The following RHOBTB1 variants were observed in gnomAD, a reference collection of about 807,000 sequenced individuals.
RHOBTB1 encodes the protein rho-related BTB domain-containing protein 1.
In RHOBTB1, 40 loss-of-function variants were observed where a neutral mutation model predicts 71.6. The observed-to-expected ratio is 0.56, with a 90% confidence interval of 0.43 to 0.73. The LOEUF is 0.73. Ranked by LOEUF, RHOBTB1 falls within the 30% of genes least tolerant of loss-of-function variation. RHOBTB1 has a pLI of 0.00. For missense variants in RHOBTB1, 797 were observed against 894.0 expected, an observed-to-expected ratio of 0.89 and a Z score of 1.38; for synonymous variants, 319 against 334.9, an observed-to-expected ratio of 0.95 and a Z score of 0.52.
intron 2 of RHOBTB1, among the ~76,000 whole-genome samples, chr10:60,979,467 T>A (rs936478428): frequency 3.9e-5 from 6 of 152,146 alleles, no homozygotes; most frequent in Admixed American, 1.3e-4. Context: ...CTAAACAAAC[T>A]ATAATAAAGG....
At chr10:60,908,480 C>A (rs1589262998) in intron 4 of RHOBTB1, among the ~76,000 whole-genome samples, 1 of 151,990 alleles carries the variant, frequency 6.6e-6, no homozygotes, top group Non-Finnish European at 1.5e-5. Flanking sequence ...GGTTTGCAAA[C>A]CAAACAAGTT....
chr10:60,983,189 A>G (rs1259678323), intron 2 of RHOBTB1, among the ~76,000 whole-genome samples: 1 of 152,200 alleles, frequency 6.6e-6, no homozygotes, highest in African/African-American at 2.4e-5. Context: ...AATTTATACA[A>G]ATGGTAATAC....
chr10:60,963,382 A>AAGATAAATTCTCAGGTATTAGATAAATT (rs2085851753), intron 2 of RHOBTB1, among the ~76,000 whole-genome samples: 6 of 152,206 alleles, frequency 3.9e-5, no homozygotes, highest in Non-Finnish European at 8.8e-5. Context: ...GAGATCCTGA[A>AAGATAAATTCTCAGGTATTAGATAAATT]AGATAAATTC....
intron 2 of RHOBTB1, among the ~76,000 whole-genome samples, chr10:60,979,128 C>T (rs1406169166): frequency 6.6e-6 from 1 of 152,114 alleles, no homozygotes; most frequent in Non-Finnish European, 1.5e-5. Context: ...AACATGTATG[C>T]TAGGAAAAGT....
At chr10:60,901,713 T>A (rs2082421286) in intron 4 of RHOBTB1, among the ~76,000 whole-genome samples, 1 of 152,240 alleles carries the variant, frequency 6.6e-6, no homozygotes, top group South Asian at 2.1e-4. Flanking sequence ...TCATGAAAAG[T>A]CAACATACTT....
At chr10:60,919,111 T>C (rs903370425) in intron 2 of RHOBTB1, among the ~76,000 whole-genome samples, 2 of 152,210 alleles carry the variant, frequency 1.3e-5, no homozygotes, top group African/African-American at 4.8e-5. Flanking sequence ...TGAAGGCCCA[T>C]GGAGGGACCT....
At chr10:60,908,693 G>T (rs1027421485) in intron 4 of RHOBTB1, among the ~76,000 whole-genome samples, 14 of 152,248 alleles carry the variant, frequency 9.2e-5, no homozygotes, top group African/African-American at 3.4e-4. Context: ...TTGGCATTAC[G>T]TCAATGTGAT....
chr10:60,981,284 A>T (rs147828452), intron 2 of RHOBTB1, among the ~76,000 whole-genome samples: 1,707 of 152,286 alleles, frequency 0.011, 32 homozygotes, highest in African/African-American at 0.04. Flanking sequence ...CTTTAGGGTC[A>T]AAATAATAAA....
chr10:60,927,872 C>T (rs932028845), intron 2 of RHOBTB1, among the ~76,000 whole-genome samples: 4 of 152,002 alleles, frequency 2.6e-5, no homozygotes, highest in South Asian at 2.1e-4. Context: ...GCAAAGGAAA[C>T]GGTCAATAAA....
intron 4 of RHOBTB1, among the ~76,000 whole-genome samples, chr10:60,894,106 A>T (rs1243828597): frequency 1.3e-5 from 2 of 152,218 alleles, no homozygotes; most frequent in Non-Finnish European, 2.9e-5. Context: ...CCTTCCTTTT[A>T]AATCATTAAT....
intron 2 of RHOBTB1, among the ~76,000 whole-genome samples, chr10:60,922,072 G>A (rs113759756): frequency 3.3e-5 from 5 of 152,210 alleles, no homozygotes; most frequent in African/African-American, 7.2e-5. Context: ...TTCTAGAGCC[G>A]ATTTATAAAT....
rs529154617 is a variant in RHOBTB1, at chr10:60,895,375, A to G, written c.297-2380T>C. Among the ~76,000 whole-genome samples the G allele has an allele frequency of 1.3e-4, 20 of 151,842 alleles. No homozygotes were observed. The South Asian group carries it at 3.8e-3, about 29-fold the overall frequency. ...TGAGAATCTGTGCTCATTATTTTAC[A>G]CTGAAAGCAGTTAAAAATAAGATTA... On this transcript the variant is annotated intron_variant, in intron 4 of 10. Coordinates refer to ENST00000337910, the MANE Select transcript of RHOBTB1 (RefSeq NM_014836.5).
chr10:60,993,963 T>C (rs756435137), intron 1 of RHOBTB1, among the ~76,000 whole-genome samples: 4 of 152,180 alleles, frequency 2.6e-5, no homozygotes, highest in Non-Finnish European at 5.9e-5. Flanking sequence ...GTTCTTAGCC[T>C]GAGATCCATG....
chr10:60,931,920 A>C (rs1456087464), intron 2 of RHOBTB1, among the ~76,000 whole-genome samples: 1 of 152,212 alleles, frequency 6.6e-6, no homozygotes, highest in Non-Finnish European at 1.5e-5. Context: ...TGAAATCTTG[A>C]GCATTCAAAA....
chr10:60,878,133 A>G lies in RHOBTB1; in HGVS notation c.1576-75T>C. The G allele has an allele frequency of 2.5e-6, 3 of 1,187,532 alleles. No individual in the cohort carries two copies. In the South Asian group the frequency reaches 4.2e-5, roughly 16 times the overall value. The allele number at this position is 1,187,532 out of a possible 1,614,324, so 73.6% of individuals were successfully genotyped here. A position where few individuals can be genotyped will look rare whatever the true frequency, so the allele number is the denominator to read the frequency against. On this transcript the variant is annotated intron_variant, in intron 7 of 10. Transcript: ENST00000337910. The stretch of plus-strand genomic sequence containing the variant: ...GGCACATTTTCAGGCTATGCTGCTT[A>G]TAAATATCCTGTGTGACTTGATATT...
At position 60,888,655 on chromosome 10, in the gene RHOBTB1, G is replaced by A. The variant is rs1402947181; in HGVS notation, c.1013C>T (p.Pro338Leu). The A allele has an allele frequency of 1.2e-6, 2 of 1,614,070 alleles. No individual in the cohort carries two copies. Among genetic ancestry groups the A allele is most frequent in the East Asian group, 2.2e-5 (1 of 44,886 alleles). ...DPEEEREEGP[P>L]RIPQADQWKS... Reference sequence around the variant, plus strand: ...CCACTGGTCGGCCTGAGGAATCCTAGGCGGGCCCTCCTCCCTTTCTTCCTC... The same window carrying A: ...CCACTGGTCGGCCTGAGGAATCCTAAGCGGGCCCTCCTCCCTTTCTTCCTC... The change falls in exon 6 of 11, where the codon CCT (proline) becomes CTT (leucine). Residue 338 changes from proline to leucine, a missense_variant. This residue lies in a region of RHOBTB1 where 658 missense variants were observed against 681.5 expected (regional missense o/e 0.97). Coordinates refer to ENST00000337910, the MANE Select transcript of RHOBTB1 (RefSeq NM_014836.5).
chr10:60,908,132 T>G (rs549002225), intron 4 of RHOBTB1, among the ~76,000 whole-genome samples: 13 of 152,314 alleles, frequency 8.5e-5, no homozygotes, highest in African/African-American at 3.1e-4. Context: ...CATTGCAAAT[T>G]CAAGTTGGCC....
chr10:60,903,318 G>A (rs2082498495), intron 4 of RHOBTB1, among the ~76,000 whole-genome samples: 1 of 152,168 alleles, frequency 6.6e-6, no homozygotes, highest in African/African-American at 2.4e-5. Context: ...TGGGAAGGCA[G>A]GCTGGGATTC....
intron 2 of RHOBTB1, among the ~76,000 whole-genome samples, chr10:60,964,666 T>C (rs1339630775): frequency 6.6e-6 from 1 of 152,152 alleles, no homozygotes. Flanking sequence ...GTTTAGACTT[T>C]CAGCTTTTCA....
Sources: gnomAD v4.1 joint callset for allele counts (sites outside exome capture counted in the v4.1 genomes callset) on GRCh38, gnomAD v4.1.1 for gene constraint, gnomAD v4.1.1 regional missense constraint, MANE v1.5 for transcripts, NCBI Gene and HGNC (gene_info 2026-07-23, HGNC 2026-07-21) for gene names.